The following CRHBP variants were observed in gnomAD, a reference collection of about 807,000 sequenced individuals.
The protein encoded by CRHBP is corticotropin releasing hormone binding protein, also known as corticotropin-releasing hormone-binding protein.
Under a neutral mutation model 34.9 loss-of-function variants are expected in CRHBP, and 19 were observed. That is an observed-to-expected ratio of 0.55 (90% CI 0.38 to 0.80). The LOEUF is 0.80. Ranked by LOEUF, CRHBP falls within the 30% of genes least tolerant of loss-of-function variation. The pLI is 0.00. For synonymous variants in CRHBP, 154 were observed against 153.4 expected (o/e 1.00, Z -0.03); for missense variants, 328 against 409.2 (o/e 0.80, Z 1.71).
chr5:76,955,897 A>C (rs1745661201), intron 4 of CRHBP, 34 bp downstream of exon 4: 1 of 1,586,342 alleles, frequency 6.3e-7, no homozygotes, highest in African/African-American at 1.3e-5. Flanking sequence ...AGAACTTCGG[A>C]TATAGACCCG....
In CRHBP at chr5:76,964,961, G is replaced by A. The variant is rs374152247; in HGVS notation, c.811+1501G>A. Among the ~76,000 whole-genome samples, 58 of 151,462 alleles carry A rather than the reference G, an allele frequency of 3.8e-4. No homozygotes were observed. The Middle Eastern group carries it at 0.014, about 36-fold the overall frequency. ...AGCCCAGCAGTTTGAGACCAGCCTG[G>A]GCAACATGGCAAGACCACACCCCAT... On this transcript the variant is annotated intron_variant, in intron 6 of 6. Transcript: ENST00000274368.
At chr5:76,975,845 T>TATATATATATAC (rs1237085128) in intron 2 of CRHBP, among the ~76,000 whole-genome samples, 57 of 97,582 alleles carry the variant, frequency 5.8e-4, no homozygotes, top group African/African-American at 3.0e-3. Context: ...TATATATATA[T>TATATATATATAC]ACACGCATAT....
intron 3 of CRHBP, among the ~76,000 whole-genome samples, chr5:76,979,411 T>C (rs1408206630): frequency 6.6e-6 from 1 of 152,056 alleles, no homozygotes; most frequent in South Asian, 2.1e-4. Flanking sequence ...AGTGCAGTGG[T>C]GTGTTCTCGG....
At chr5:76,968,194 GTTTTTTTTTGTTTTT>G (rs1745889281) in intron 6 of CRHBP, among the ~76,000 whole-genome samples, 1 of 124,798 alleles carries the variant, frequency 8.0e-6, no homozygotes, top group African/African-American at 3.4e-5. Flanking sequence ...ATAAACAGGT[GTTTTTTTTTGTTTTT>G]TTTTTTTTTG....
At chr5:76,972,961 C>T (rs1745969001), downstream of CRHBP, among the ~76,000 whole-genome samples, 1 of 152,120 alleles carries the variant, frequency 6.6e-6, no homozygotes. Context: ...CTTCCCATAC[C>T]TACTATCTGT....
intron 5 of CRHBP, among the ~76,000 whole-genome samples, chr5:76,962,312 T>G (rs1040251692): frequency 6.6e-5 from 10 of 152,126 alleles, no homozygotes; most frequent in African/African-American, 2.4e-4. Context: ...AGCAGAACAT[T>G]AAACCAAGCA....
downstream of CRHBP, among the ~76,000 whole-genome samples, chr5:76,971,626 G>T (rs1225990981): frequency 6.6e-6 from 1 of 152,128 alleles, no homozygotes; most frequent in Admixed American, 6.5e-5. Context: ...ATCATGTCAG[G>T]ATTTATCTAA....
chr5:76,976,290 C>T (rs1746034440), intron 2 of CRHBP: 1 of 152,150 alleles, frequency 6.6e-6, no homozygotes, highest in South Asian at 2.1e-4. Context: ...CACTAGCTGG[C>T]TGAAAGTTTG....
In CRHBP at chr5:76,958,815, T is replaced by A. The variant is rs1745730355; in HGVS notation, c.619T>A (p.Phe207Ile). The A allele has an allele frequency of 6.2e-7, 1 of 1,614,022 alleles. No homozygotes were observed. Among genetic ancestry groups the A allele is most frequent in the Non-Finnish European group, 8.5e-7 (1 of 1,180,010 alleles). ...VVPHQHRNCS[F>I]SIIYPVVIKI... ...TCCACACCAGCATCGAAACTGCAGCTTCTCCATAATTTATCCTGTGGTGAT... is the reference window on the plus strand; with the variant it reads ...TCCACACCAGCATCGAAACTGCAGCATCTCCATAATTTATCCTGTGGTGAT... The change falls in exon 5 of 7, where the codon TTC (phenylalanine) becomes ATC (isoleucine). Residue 207 changes from phenylalanine (F) to isoleucine (I), a missense_variant. By Grantham distance (21) the Phe-to-Ile change is conservative. Coordinates refer to ENST00000274368, the MANE Select transcript of CRHBP (RefSeq NM_001882.4).
intron 5 of CRHBP, among the ~76,000 whole-genome samples, chr5:76,962,143 A>G (rs968583636): frequency 1.3e-5 from 2 of 151,992 alleles, no homozygotes; most frequent in African/African-American, 4.8e-5. Context: ...TTTGGTTCCT[A>G]TGTGTTAAGG....
chr5:76,975,236 G>A (rs937179968), intron 2 of CRHBP, among the ~76,000 whole-genome samples: 6 of 152,306 alleles, frequency 3.9e-5, no homozygotes, highest in African/African-American at 1.4e-4. Flanking sequence ...TGTGATTTCA[G>A]GGATAGCACT....
intron 5 of CRHBP, among the ~76,000 whole-genome samples, chr5:76,960,437 T>G (rs1308885278): frequency 6.6e-6 from 1 of 151,958 alleles, no homozygotes. Context: ...ATTAGGGAGT[T>G]TAAGTGCAGT....
At chr5:76,975,877 T>C (rs1443566686) in intron 2 of CRHBP, among the ~76,000 whole-genome samples, 1 of 129,494 alleles carries the variant, frequency 7.7e-6, no homozygotes, top group Non-Finnish European at 1.6e-5. Flanking sequence ...CACATATACA[T>C]GCATATATAC....
At chr5:76,962,117 G>A (rs1032255451) in intron 5 of CRHBP, among the ~76,000 whole-genome samples, 1 of 151,984 alleles carries the variant, frequency 6.6e-6, no homozygotes, top group African/African-American at 2.4e-5. Context: ...TGTGTATTAA[G>A]TTCTCTATTT....
At chr5:76,978,134 C>T (rs1746067355) in intron 3 of CRHBP, among the ~76,000 whole-genome samples, 1 of 151,980 alleles carries the variant, frequency 6.6e-6, no homozygotes, top group African/African-American at 2.4e-5. Context: ...AGGAAAGAAG[C>T]CATCTCCATT....
intron 3 of CRHBP, among the ~76,000 whole-genome samples, chr5:76,979,845 T>C (rs1320713869): frequency 6.6e-6 from 1 of 152,228 alleles, no homozygotes. Context: ...AAGGTATGCC[T>C]GTATATTCTT....
chr5:76,980,033 C>T (rs1364706610), intron 3 of CRHBP, among the ~76,000 whole-genome samples: 3 of 149,992 alleles, frequency 2.0e-5, no homozygotes, highest in African/African-American at 2.5e-5. Context: ...GGGCGGATCA[C>T]GAGGTCAGGA....
intron 3 of CRHBP, among the ~76,000 whole-genome samples, chr5:76,977,732 A>C (rs943851476): frequency 3.9e-5 from 6 of 152,214 alleles, no homozygotes; most frequent in Non-Finnish European, 7.3e-5. Flanking sequence ...TGTTCAGTGA[A>C]AGGAAGAGTC....
At chr5:76,963,163 T>C in intron 5 of CRHBP, 180 bp from the exon 6 acceptor site, 2 of 571,322 alleles carry the variant, frequency 3.5e-6, no homozygotes, top group Admixed American at 2.7e-5. Context: ...GAAAAGCAAT[T>C]TTTATGATTT....
Sources: allele counts gnomAD v4.1 joint callset (sites outside exome capture counted in the v4.1 genomes callset), GRCh38; gene constraint gnomAD v4.1.1; transcripts MANE v1.5; gene names NCBI Gene and HGNC (gene_info 2026-07-23, HGNC 2026-07-21).